Variants in PCSK6 observed in about 807,000 individuals in gnomAD.
The protein encoded by PCSK6 is proprotein convertase subtilisin/kexin type 6.
PCSK6 carries 85 observed loss-of-function variants against 123.3 expected under a neutral mutation model. That is an observed-to-expected ratio of 0.69 (90% CI 0.58 to 0.83). The LOEUF is 0.83. Ranked by LOEUF, PCSK6 falls within the 40% of genes least tolerant of loss-of-function variation. PCSK6 has a pLI of 0.00. For missense variants in PCSK6, 1,191 were observed against 1,282.3 expected (o/e 0.93, Z 1.09); for synonymous variants, 508 against 516.0 (o/e 0.98, Z 0.21).
Position 101,384,357 on chromosome 15 carries a change from G to A in PCSK6, c.1379C>T (p.Ala460Val), listed in dbSNP as rs1190255018. 3.7e-6 allele frequency: 6 copies of A among 1,613,658 alleles called. No individual in the cohort carries two copies. The highest frequency in any genetic ancestry group is 1.7e-5 in the Admixed American group (1 of 59,978). Residue 460 changes from alanine (A) to valine (V), a missense_variant, in exon 10 of 22, where the codon GCG becomes GTG. Coordinates refer to ENST00000611716, the MANE Select transcript of PCSK6 (RefSeq NM_002570.5). ...VKTSRPAHLK[A>V]SDWKVNGAGH... Reference sequence around the variant, plus strand: ...CGCGCCGTTCACTTTCCAGTCGCTCGCTTTCAGGTGGGCCGGCCGGGATGT... The same window carrying A: ...CGCGCCGTTCACTTTCCAGTCGCTCACTTTCAGGTGGGCCGGCCGGGATGT...
At chr15:101,462,372 TTAAA>T (rs2057359344) in intron 1 of PCSK6, among the ~76,000 whole-genome samples, 1 of 152,238 alleles carries the variant, frequency 6.6e-6, no homozygotes, top group Admixed American at 6.5e-5. Flanking sequence ...GATGTATATA[TTAAA>T]TAAAATTTCA....
At chr15:101,424,315 G>A (rs1596318912) in intron 6 of PCSK6, among the ~76,000 whole-genome samples, 1 of 150,986 alleles carries the variant, frequency 6.6e-6, no homozygotes. Flanking sequence ...ATTAACAATC[G>A]ACTCATCGTC....
At chr15:101,391,808 C>CCTA (rs10701304) in intron 8 of PCSK6, among the ~76,000 whole-genome samples, 96,174 of 151,770 alleles carry the variant, frequency 0.63, 31,004 homozygotes, top group African/African-American at 0.72. Context: ...TAACACCCCT[C>CCTA]CTGTCAGAGC....
intron 1 of PCSK6, among the ~76,000 whole-genome samples, chr15:101,464,882 C>T (rs911565854): frequency 4.6e-5 from 7 of 152,178 alleles, no homozygotes; most frequent in African/African-American, 1.7e-4. Context: ...CCACTCTCCA[C>T]GGGAACTGCG....
chr15:101,324,248 T>G (rs762235283), intron 17 of PCSK6, among the ~76,000 whole-genome samples: 2 of 152,214 alleles, frequency 1.3e-5, no homozygotes, highest in Non-Finnish European at 2.9e-5. Flanking sequence ...AACCCATCCC[T>G]TCCGAGCCCA....
At chr15:101,417,957 A>G (rs921147347) in intron 6 of PCSK6, among the ~76,000 whole-genome samples, 1 of 152,088 alleles carries the variant, frequency 6.6e-6, no homozygotes, top group African/African-American at 2.4e-5. Context: ...AGGTGAAAAA[A>G]CCTATTTTAT....
intron 9 of PCSK6, among the ~76,000 whole-genome samples, chr15:101,388,752 G>A (rs2042142433): frequency 1.3e-5 from 2 of 152,162 alleles, no homozygotes; most frequent in Admixed American, 6.5e-5. Context: ...TTCTACAAAC[G>A]GGTGAACCTT....
intron 13 of PCSK6, among the ~76,000 whole-genome samples, chr15:101,348,409 T>C (rs898933864): frequency 1.3e-5 from 2 of 152,250 alleles, no homozygotes; most frequent in African/African-American, 4.8e-5. Flanking sequence ...TGCTTCGAGG[T>C]ATGAAGTGTG....
At chr15:101,442,789 G>A (rs1209306092) in intron 2 of PCSK6, among the ~76,000 whole-genome samples, 5 of 152,066 alleles carry the variant, frequency 3.3e-5, no homozygotes, top group South Asian at 4.1e-4. Flanking sequence ...TGCTTCTCAC[G>A]TGAACTTCAT....
intron 1 of PCSK6, among the ~76,000 whole-genome samples, chr15:101,475,652 A>T (rs1345418344): frequency 3.3e-5 from 4 of 122,680 alleles, no homozygotes; most frequent in Non-Finnish European, 3.3e-5. Context: ...CACTTGGCTA[A>T]TTTTTTTTTT....
At chr15:101,375,563 A>G (rs925233949) in intron 11 of PCSK6, among the ~76,000 whole-genome samples, 1 of 152,236 alleles carries the variant, frequency 6.6e-6, no homozygotes, top group African/African-American at 2.4e-5. Flanking sequence ...CTGTATCTGC[A>G]TATTCACCTG....
intron 6 of PCSK6, among the ~76,000 whole-genome samples, chr15:101,421,096 A>AC (rs1329700707): frequency 6.6e-6 from 1 of 152,084 alleles, no homozygotes; most frequent in East Asian, 1.9e-4. Context: ...ACAGGCCCCT[A>AC]CCACCACATC....
chr15:101,389,711 G>C (rs117171135), intron 8 of PCSK6, 147 bp from the exon 9 acceptor site: 1 of 615,840 alleles, frequency 1.6e-6, no homozygotes. Flanking sequence ...AATGCATCTC[G>C]GCAACCACAG....
At chr15:101,481,054 T>C (rs1403905187) in intron 1 of PCSK6, among the ~76,000 whole-genome samples, 2 of 152,178 alleles carry the variant, frequency 1.3e-5, no homozygotes, top group African/African-American at 4.8e-5. Context: ...ACTCGCTGAA[T>C]AAATGAACGC....
intron 19 of PCSK6, among the ~76,000 whole-genome samples, chr15:101,315,272 T>G (rs1435759382): frequency 6.6e-6 from 1 of 152,178 alleles, no homozygotes; most frequent in Non-Finnish European, 1.5e-5. Flanking sequence ...ATGGTACATT[T>G]TATGTGATGT....
chr15:101,409,232 C>T (rs4625703), intron 6 of PCSK6, among the ~76,000 whole-genome samples: 1 of 151,460 alleles, frequency 6.6e-6, no homozygotes, highest in South Asian at 2.1e-4. Flanking sequence ...CCGAGGCGGG[C>T]GGATCACGAG....
intron 13 of PCSK6, among the ~76,000 whole-genome samples, chr15:101,340,142 T>G (rs1388600980): frequency 6.6e-6 from 1 of 152,148 alleles, no homozygotes; most frequent in Non-Finnish European, 1.5e-5. Flanking sequence ...GTGCTCCCCA[T>G]GTACACACAC....
chr15:101,451,284 T>C (rs113373345), intron 1 of PCSK6, among the ~76,000 whole-genome samples: 2,260 of 148,480 alleles, frequency 0.015, 48 homozygotes, highest in African/African-American at 0.049. Flanking sequence ...CCAAATGACA[T>C]CAAATAGTTC....
chr15:101,324,763 C>T, intron 17 of PCSK6, 87 bp downstream of exon 17: 1 of 1,120,086 alleles, frequency 8.9e-7, no homozygotes, highest in Non-Finnish European at 1.3e-6. Flanking sequence ...AAGCAGAAGG[C>T]TGGGAAATTC....
Sources: gnomAD v4.1 joint callset for allele counts (sites outside exome capture counted in the v4.1 genomes callset) on GRCh38, gnomAD v4.1.1 for gene constraint, MANE v1.5 for transcripts, NCBI Gene and HGNC (gene_info 2026-07-23, HGNC 2026-07-21) for gene names.